FAXC: variants seen among roughly 807,000 people sequenced by gnomAD.
FAXC encodes the protein failed axon connections homolog.
In FAXC, 10 loss-of-function variants were observed where a neutral mutation model predicts 41.9. The ratio of observed to expected loss-of-function variants is 0.24; its 90% CI spans 0.15 to 0.41. FAXC has a LOEUF of 0.41. FAXC is among the 10% of genes least tolerant of loss of function. The pLI is 1.00. For missense variants in FAXC, 399 were observed against 510.9 expected, an observed-to-expected ratio of 0.78 and a Z score of 2.11; for synonymous variants, 183 against 183.8, an observed-to-expected ratio of 1.00 and a Z score of 0.03.
chr6:99,314,596 C>G (rs1268017736), intron 4 of FAXC, among the ~76,000 whole-genome samples: 1 of 152,106 alleles, frequency 6.6e-6, no homozygotes, highest in Non-Finnish European at 1.5e-5. Context: ...TTGGCCCCTC[C>G]AGCACATGAA....
chr6:99,318,491 C>T (rs541507281), intron 4 of FAXC, among the ~76,000 whole-genome samples: 8 of 152,222 alleles, frequency 5.3e-5, no homozygotes, highest in Admixed American at 5.2e-4. Flanking sequence ...ATTGCAGTGA[C>T]TTATTTTCCT....
At chr6:99,289,513 G>A (rs1363597333) in intron 5 of FAXC, among the ~76,000 whole-genome samples, 1 of 151,942 alleles carries the variant, frequency 6.6e-6, no homozygotes, top group Non-Finnish European at 1.5e-5. Flanking sequence ...TTAATTAGCT[G>A]GACATGATGT....
Position 99,328,637 on chromosome 6 carries a change from C to A in FAXC, c.599+4714G>T, listed in dbSNP as rs961947433. Among the ~76,000 whole-genome samples the A allele has an allele frequency of 3.3e-5, 5 of 152,160 alleles. No individual in the cohort carries two copies. The South Asian group carries it at 8.3e-4, about 25-fold the overall frequency. ...TCTGCCTAGACATCCTAACCTTTCCCGACCACCAGCCCCTTCATCTGCCAC... is the reference window on the plus strand; with the variant it reads ...TCTGCCTAGACATCCTAACCTTTCCAGACCACCAGCCCCTTCATCTGCCAC... On this transcript the variant is annotated intron_variant, in intron 3 of 5. Coordinates refer to ENST00000389677, the MANE Select transcript of FAXC (RefSeq NM_032511.4).
At chr6:99,319,923 A>G (rs1390743917) in intron 4 of FAXC, among the ~76,000 whole-genome samples, 2 of 152,180 alleles carry the variant, frequency 1.3e-5, no homozygotes, top group Non-Finnish European at 2.9e-5. Context: ...TTGATTCTCC[A>G]TTATATCAGC....
intron 5 of FAXC, among the ~76,000 whole-genome samples, chr6:99,287,640 G>A (rs6902450): frequency 0.012 from 1,803 of 152,150 alleles, 39 homozygotes; most frequent in African/African-American, 0.041. Flanking sequence ...TGCTTCTGCC[G>A]TTCCAAAGCT....
At chr6:99,344,911 G>A (rs1423232183) in intron 1 of FAXC, among the ~76,000 whole-genome samples, 6 of 152,106 alleles carry the variant, frequency 3.9e-5, no homozygotes, top group Non-Finnish European at 8.8e-5. Flanking sequence ...AAGAATGGAG[G>A]CTAATTATCT....
At position 99,304,907 on chromosome 6, in the gene FAXC, G is replaced by A. The variant is rs79048935; in HGVS notation, c.824-13087C>T. Among the ~76,000 whole-genome samples, 6 of 152,344 alleles carry A rather than the reference G, an allele frequency of 3.9e-5. No individual in the cohort carries two copies. In the East Asian group the frequency reaches 1.2e-3, roughly 29 times the overall value. On this transcript the variant is annotated intron_variant, in intron 4 of 5. Coordinates refer to ENST00000389677, the MANE Select transcript of FAXC (RefSeq NM_032511.4). ...AGAAGCACCTCCAACATAGCCCAGGGAGGCTGGGGGAGGTTAGGAAGAACC... is the reference window on the plus strand; with the variant it reads ...AGAAGCACCTCCAACATAGCCCAGGAAGGCTGGGGGAGGTTAGGAAGAACC...
chr6:99,347,406 GA>G (rs57714437), intron 1 of FAXC, among the ~76,000 whole-genome samples: 21,166 of 143,336 alleles, frequency 0.15, 1,518 homozygotes, highest in Non-Finnish European at 0.17. Flanking sequence ...AGTCTCAAAA[GA>G]AAAAAAAAAA....
intron 2 of FAXC, among the ~76,000 whole-genome samples, chr6:99,335,813 T>C (rs1162340599): frequency 6.6e-6 from 1 of 152,190 alleles, no homozygotes; most frequent in African/African-American, 2.4e-5. Flanking sequence ...TCTAACAAAA[T>C]TAATAATCAA....
chr6:99,319,772 T>C (rs1373600762), intron 4 of FAXC, among the ~76,000 whole-genome samples: 1 of 152,206 alleles, frequency 6.6e-6, no homozygotes, highest in African/African-American at 2.4e-5. Flanking sequence ...TCCTGAATAT[T>C]TCGTATAAAT....
chr6:99,302,564 G>A (rs953839576), intron 4 of FAXC, among the ~76,000 whole-genome samples: 14 of 152,226 alleles, frequency 9.2e-5, no homozygotes, highest in Admixed American at 3.3e-4. Context: ...GCTGAGGCAG[G>A]AGAATCACTT....
intron 4 of FAXC, among the ~76,000 whole-genome samples, chr6:99,319,508 T>C (rs1772514855): frequency 6.6e-6 from 1 of 152,018 alleles, no homozygotes; most frequent in East Asian, 1.9e-4. Flanking sequence ...ATTTGCCTGC[T>C]GTTTGATTAC....
intron 4 of FAXC, among the ~76,000 whole-genome samples, chr6:99,296,275 C>T (rs112958106): frequency 0.02 from 1,772 of 90,094 alleles, 41 homozygotes; most frequent in African/African-American, 0.078. Context: ...CTGGATCTCA[C>T]GACCAGGGGG....
chr6:99,296,786 C>T (rs758873270), intron 4 of FAXC, among the ~76,000 whole-genome samples: 3 of 152,124 alleles, frequency 2.0e-5, no homozygotes, highest in South Asian at 2.1e-4. Flanking sequence ...GAGGGAGGAG[C>T]CAAGTGGATC....
chr6:99,341,096 C>T (rs13206613), intron 2 of FAXC, among the ~76,000 whole-genome samples: 18,086 of 152,134 alleles, frequency 0.12, 1,378 homozygotes, highest in Non-Finnish European at 0.17. Context: ...TAAATACAGA[C>T]TTTAATTCAT....
chr6:99,338,479 G>A (rs2128464215), intron 2 of FAXC, among the ~76,000 whole-genome samples: 1 of 152,322 alleles, frequency 6.6e-6, no homozygotes, highest in East Asian at 1.9e-4. Context: ...AAGCCTGGCA[G>A]CTGCTGCAGC....
intron 5 of FAXC, among the ~76,000 whole-genome samples, chr6:99,287,612 A>G (rs549333927): frequency 2.0e-5 from 3 of 152,216 alleles, no homozygotes; most frequent in Admixed American, 2.0e-4. Flanking sequence ...CACACTCACA[A>G]TGAGGCAAGG....
chr6:99,307,116 A>C (rs1206042959), intron 4 of FAXC, among the ~76,000 whole-genome samples: 1 of 152,168 alleles, frequency 6.6e-6, no homozygotes, highest in African/African-American at 2.4e-5. Flanking sequence ...ACTTCCAAAA[A>C]GCCAAAACAT....
intron 4 of FAXC, among the ~76,000 whole-genome samples, chr6:99,303,415 C>T (rs963437480): frequency 2.0e-5 from 3 of 152,190 alleles, no homozygotes; most frequent in South Asian, 2.1e-4. Context: ...TTATCTCTTT[C>T]AATACTTGAT....
Sources: allele counts gnomAD v4.1 joint callset (sites outside exome capture counted in the v4.1 genomes callset), GRCh38; gene constraint gnomAD v4.1.1; transcripts MANE v1.5; gene names NCBI Gene and HGNC (gene_info 2026-07-23, HGNC 2026-07-21).